Variants in HOXC4 observed in about 807,000 individuals in gnomAD.
HOXC4 encodes the protein homeobox C4, also known as homeobox protein Hox-C4.
HOXC4 carries 15 observed loss-of-function variants against 25.5 expected under a neutral mutation model. The ratio of observed to expected loss-of-function variants is 0.59; its 90% CI spans 0.39 to 0.91. The LOEUF (loss-of-function observed/expected upper bound fraction) is 0.91. HOXC4 is among the 40% of genes least tolerant of loss of function. HOXC4 has a pLI of 0.00. For synonymous variants in HOXC4, 165 were observed against 148.0 expected (o/e 1.11, Z -0.83); for missense variants, 342 against 352.4 (o/e 0.97, Z 0.24).
chr12:54,023,927 T>G (rs1940564364), intron 1 of HOXC4, among the ~76,000 whole-genome samples: 1 of 152,164 alleles, frequency 6.6e-6, no homozygotes, highest in Non-Finnish European at 1.5e-5. Flanking sequence ...AGGAGGCTCT[T>G]TGCGATCTGA....
intron 1 of HOXC4, chr12:54,034,278 A>G (rs754398363): frequency 1.2e-6 from 2 of 1,613,098 alleles, no homozygotes; most frequent in Non-Finnish European, 8.5e-7. Flanking sequence ...TATGTTCCAG[A>G]GACGGACGGC....
upstream of HOXC4, among the ~76,000 whole-genome samples, chr12:54,049,465 C>G (rs560882684): frequency 6.6e-6 from 1 of 151,782 alleles, no homozygotes; most frequent in South Asian, 2.1e-4. Flanking sequence ...ATGAGAGGAC[C>G]TTGCCTAAGG....
In HOXC4 at chr12:54,054,359, C is replaced by T. The variant is rs562042098; in HGVS notation, c.437C>T (p.Thr146Met). Residue 146 changes from threonine (T) to methionine (M), a missense_variant and splice_region_variant, in exon 1 of 2, where the codon ACG becomes ATG. By Grantham distance (81) the Thr-to-Met change is moderately conservative (BLOSUM62 -1). Transcript: ENST00000430889. ...TGGATGAAAAAAATTCACGTTAGCACGGGTAGGCAACTTTGCTTTTTGCTC... is the reference window on the plus strand; with the variant it reads ...TGGATGAAAAAAATTCACGTTAGCATGGGTAGGCAACTTTGCTTTTTGCTC... The part of the protein sequence containing the change: ...YPWMKKIHVS[T>M]VNPNYNGGEP... 1.3e-5 allele frequency: 20 copies of T among 1,538,998 alleles called. No individual in the cohort carries two copies. The South Asian group carries it at 1.8e-4, about 14-fold the overall frequency.
intron 1 of HOXC4, chr12:54,028,776 A>G: frequency 6.2e-7 from 1 of 1,614,176 alleles, no homozygotes; most frequent in Non-Finnish European, 8.5e-7. Context: ...ACATGCTCTC[A>G]AACTGCAGAC....
intron 1 of HOXC4, among the ~76,000 whole-genome samples, chr12:54,045,476 T>C (rs557094539): frequency 2.6e-5 from 4 of 152,348 alleles, no homozygotes; most frequent in Admixed American, 2.0e-4. Context: ...GTGTTCAATG[T>C]CTATTTTGAA....
intron 1 of HOXC4, among the ~76,000 whole-genome samples, chr12:54,042,370 T>C (rs1243868360): frequency 2.6e-5 from 4 of 152,204 alleles, no homozygotes; most frequent in Non-Finnish European, 5.9e-5. Flanking sequence ...ACTCTCACCC[T>C]CAATGTGGAC....
chr12:54,018,892 G>A (rs917200651), intron 1 of HOXC4, among the ~76,000 whole-genome samples: 4 of 152,154 alleles, frequency 2.6e-5, no homozygotes, highest in Non-Finnish European at 4.4e-5. Context: ...AAGTCCCAGT[G>A]GGGGAGGGGA....
intron 1 of HOXC4, among the ~76,000 whole-genome samples, chr12:54,038,307 C>G (rs972445737): frequency 1.3e-5 from 2 of 152,164 alleles, no homozygotes; most frequent in African/African-American, 4.8e-5. Flanking sequence ...CTTCCTGACC[C>G]TTTCAGTTGA....
chr12:54,020,895 A>G (rs1940404560), intron 1 of HOXC4: 1 of 151,890 alleles, frequency 6.6e-6, no homozygotes, highest in South Asian at 2.1e-4. Context: ...TTCTCTCCAC[A>G]CCTCCTGGCA....
At chr12:54,033,257 A>C in intron 1 of HOXC4, 2 of 1,614,168 alleles carry the variant, frequency 1.2e-6, no homozygotes, top group South Asian at 2.2e-5. Flanking sequence ...GATTGGACTT[A>C]AGCATCACTT....
intron 1 of HOXC4, among the ~76,000 whole-genome samples, chr12:54,026,966 G>GT (rs1285162214): frequency 3.3e-4 from 20 of 61,266 alleles, no homozygotes; most frequent in Admixed American, 4.5e-4. Flanking sequence ...AAAAATGGTG[G>GT]GGGGGGGGGG....
At chr12:54,039,672 A>T (rs971292832) in intron 1 of HOXC4, among the ~76,000 whole-genome samples, 1 of 151,882 alleles carries the variant, frequency 6.6e-6, no homozygotes, top group East Asian at 1.9e-4. Flanking sequence ...GAGTTTCTGG[A>T]AACTTTCCTA....
At chr12:54,034,220 G>A in intron 1 of HOXC4, 2 of 1,484,088 alleles carry the variant, frequency 1.3e-6, no homozygotes, top group Admixed American at 3.3e-5. Context: ...GGGTGGGGAC[G>A]GGGGAACGCT....
chr12:54,044,571 T>C (rs1240220578), intron 1 of HOXC4, among the ~76,000 whole-genome samples: 2 of 152,096 alleles, frequency 1.3e-5, no homozygotes, highest in South Asian at 2.1e-4. Flanking sequence ...TTCAGATGTA[T>C]AAGACAGAGT....
intron 1 of HOXC4, among the ~76,000 whole-genome samples, chr12:54,024,254 G>A (rs541768546): frequency 6.6e-6 from 1 of 152,278 alleles, no homozygotes; most frequent in Admixed American, 6.5e-5. Flanking sequence ...GTGGGGGCAG[G>A]GTCGGGCAGC....
rs765071106 is a variant in HOXC4, at chr12:54,054,053, G to A, written c.131G>A (p.Gly44Glu). The A allele has an allele frequency of 1.9e-6, 3 of 1,613,998 alleles. No homozygotes were observed. The African/African-American group carries it at 4.0e-5, about 22-fold the overall frequency. The stretch of plus-strand genomic sequence containing the variant: ...TATTACGGCCGGACCAGGGAATCGG[G>A]ATTCCAGCATCACCACCAGGAGCTG... ...PEYYGRTRES[G>E]FQHHHQELYP... Residue 44 changes from glycine (G) to glutamate (E), a missense_variant, in exon 1 of 2, where the codon GGA becomes GAA. Physicochemically the swap from Gly to Glu is moderately conservative, Grantham distance 98. Transcript: ENST00000430889.
chr12:54,054,224 C>T lies in HOXC4; in HGVS notation c.302C>T (p.Ala101Val), dbSNP rs768437309. 4.3e-6 allele frequency: 7 copies of T among 1,612,066 alleles called. No individual in the cohort carries two copies. In the Admixed American group the frequency reaches 5.0e-5, roughly 12 times the overall value. Residue 101 changes from alanine (A) to valine (V), a missense_variant, in exon 1 of 2, where the codon GCG becomes GTG. By Grantham distance (64) the Ala-to-Val change is moderately conservative. Transcript: ENST00000430889. Reference protein sequence around the residue: ...PEKSQSLCEPAPLSGASASPS... With the variant: ...PEKSQSLCEPVPLSGASASPS... The stretch of plus-strand genomic sequence containing the variant: ...AAATCACAGTCGCTCTGCGAGCCGG[C>T]GCCTCTCTCAGGCGCCTCCGCCTCC...
At chr12:54,034,917 G>T (rs1565746990) in intron 1 of HOXC4, 1 of 216,676 alleles carries the variant, frequency 4.6e-6, no homozygotes. Context: ...CTTTGTTCCC[G>T]GCTGGACGGG....
At chr12:54,029,950 G>C in intron 1 of HOXC4, 1 of 1,577,752 alleles carries the variant, frequency 6.3e-7, no homozygotes. Flanking sequence ...AAGAGGAGAA[G>C]CAGAAAGAGT....
Sources: gnomAD v4.1 joint callset for allele counts (sites outside exome capture counted in the v4.1 genomes callset) on GRCh38, gnomAD v4.1.1 for gene constraint, MANE v1.5 for transcripts, NCBI Gene and HGNC (gene_info 2026-07-23, HGNC 2026-07-21) for gene names.